Variants in PCDHA2 observed in about 807,000 individuals in gnomAD.
PCDHA2 encodes the protein protocadherin alpha-2.
A neutral mutation model predicts 66.0 loss-of-function variants in PCDHA2; 58 were observed. The observed-to-expected ratio is 0.88, with a 90% CI of 0.71 to 1.09. PCDHA2 has a LOEUF of 1.09. Ranked by LOEUF, PCDHA2 falls within the 50% of genes least tolerant of loss-of-function variation. The pLI is 0.00. For synonymous variants in PCDHA2, 634 were observed against 554.0 expected, an observed-to-expected ratio of 1.14 and a Z score of -2.03; for missense variants, 1,267 against 1,242.3, an observed-to-expected ratio of 1.02 and a Z score of -0.30.
At chr5:140,931,460 G>GA (rs3836748) in intron 1 of PCDHA2, among the ~76,000 whole-genome samples, 48,962 of 151,596 alleles carry the variant, frequency 0.32, 8,170 homozygotes, top group East Asian at 0.53. Flanking sequence ...AAAAATATAG[G>GA]AATGACAGAG....
At chr5:140,947,451 A>G (rs2094135983) in intron 1 of PCDHA2, among the ~76,000 whole-genome samples, 1 of 151,658 alleles carries the variant, frequency 6.6e-6, no homozygotes, top group Non-Finnish European at 1.5e-5. Context: ...GAAATCCTCC[A>G]ACCTTGTTCT....
chr5:140,850,744 A>G (rs2150496809), intron 1 of PCDHA2: 2 of 1,597,586 alleles, frequency 1.3e-6, no homozygotes, highest in Non-Finnish European at 1.7e-6. Context: ...AGTTGGTCGT[A>G]CTCGCAGCAG....
chr5:140,869,945 T>C lies in PCDHA2; in HGVS notation c.2388+72593T>C, dbSNP rs528075021. On this transcript the variant is annotated intron_variant, in intron 1 of 3. Transcript: ENST00000526136. ...GTCAATGGAGAGGTAACATACTCCTTAATGTCAATTAAGCCCAATGGAAGA... is the reference window on the plus strand; with the variant it reads ...GTCAATGGAGAGGTAACATACTCCTCAATGTCAATTAAGCCCAATGGAAGA... 8 of 1,612,376 alleles carry C rather than the reference T, an allele frequency of 5.0e-6. No individual in the cohort carries two copies. The African/African-American group carries it at 8.0e-5, about 16-fold the overall frequency.
intron 1 of PCDHA2, among the ~76,000 whole-genome samples, chr5:140,872,762 G>A (rs545441914): frequency 6.6e-6 from 1 of 152,066 alleles, no homozygotes; most frequent in African/African-American, 2.4e-5. Flanking sequence ...ATGCATATAG[G>A]GCTATATTAT....
At chr5:140,838,079 T>TATA (rs1775498021) in intron 1 of PCDHA2, among the ~76,000 whole-genome samples, 4 of 6,872 alleles carry the variant, frequency 5.8e-4, no homozygotes, top group African/African-American at 2.3e-3. Context: ...ATATATATAG[T>TATA]GTGTGTGTGT....
At chr5:140,947,969 C>T (rs1159851699) in intron 1 of PCDHA2, among the ~76,000 whole-genome samples, 1 of 151,182 alleles carries the variant, frequency 6.6e-6, no homozygotes, top group African/African-American at 2.4e-5. Context: ...TAAGTATGTG[C>T]TACTCATAGG....
intron 1 of PCDHA2, chr5:140,856,165 A>T: frequency 6.3e-7 from 1 of 1,598,366 alleles, no homozygotes; most frequent in South Asian, 1.1e-5. Flanking sequence ...AGGAGGCCAG[A>T]CACGGCACCT....
At chr5:140,876,838 G>C in intron 1 of PCDHA2, 1 of 1,614,140 alleles carries the variant, frequency 6.2e-7, no homozygotes, top group Non-Finnish European at 8.5e-7. Flanking sequence ...GCCTGCGTTC[G>C]CGCAGCCCGA....
intron 1 of PCDHA2, among the ~76,000 whole-genome samples, chr5:140,888,190 A>G (rs2153423083): frequency 6.6e-6 from 1 of 152,280 alleles, no homozygotes; most frequent in East Asian, 1.9e-4. Flanking sequence ...TGTGAATTTT[A>G]CATTGTCGGA....
intron 1 of PCDHA2, chr5:140,966,850 C>A: frequency 6.4e-7 from 1 of 1,572,900 alleles, no homozygotes; most frequent in Non-Finnish European, 8.6e-7. Flanking sequence ...TACTGCCTCT[C>A]CTGCTGCTGT....
intron 1 of PCDHA2, chr5:140,830,332 C>T (rs1483373702): frequency 6.2e-7 from 1 of 1,614,016 alleles, no homozygotes; most frequent in Non-Finnish European, 8.5e-7. Context: ...CAGTGGGGAG[C>T]TGGTCGTACT....
chr5:140,978,057 T>C (rs527562348), intron 1 of PCDHA2, among the ~76,000 whole-genome samples: 1 of 152,304 alleles, frequency 6.6e-6, no homozygotes, highest in South Asian at 2.1e-4. Context: ...ACTGATGATG[T>C]CCCAGTGATT....
intron 1 of PCDHA2, among the ~76,000 whole-genome samples, chr5:140,903,228 C>T (rs1417505177): frequency 1.3e-5 from 2 of 152,112 alleles, no homozygotes; most frequent in Non-Finnish European, 2.9e-5. Flanking sequence ...ACATCTATTA[C>T]TTTTTGATTT....
chr5:140,863,121 G>A, intron 1 of PCDHA2: 2 of 592,122 alleles, frequency 3.4e-6, no homozygotes, highest in South Asian at 2.7e-5. Context: ...CGAAAGCTAC[G>A]CGCCACCGCC....
Position 141,010,353 on chromosome 5 carries a change from G to A in PCDHA2, c.*416G>A. On this transcript the variant is annotated 3_prime_UTR_variant, in exon 4 of 4. Transcript: ENST00000526136. ...AGTTTGTGGCCACTGGGTATGTGTG[G>A]CTACCGCGGGTATGCGAGTGCCAGA... is the stretch of plus-strand genomic sequence containing the variant. 1.3e-6 allele frequency: 2 copies of A among 1,507,486 alleles called. No individual in the cohort carries two copies. Among genetic ancestry groups the A allele is most frequent in the Non-Finnish European group, 1.8e-6 (2 of 1,128,244 alleles). The allele number at this position is 1,507,486 out of a possible 1,614,324, so 93.4% of individuals were successfully genotyped here. A position where few individuals can be genotyped will look rare whatever the true frequency, so the allele number is the denominator to read the frequency against.
At position 140,823,162 on chromosome 5, in the gene PCDHA2, G is replaced by C. The variant is rs2150122942; in HGVS notation, c.2388+25810G>C. 16 of 1,613,820 alleles carry C rather than the reference G, an allele frequency of 9.9e-6. 1 individual carries two copies. Among genetic ancestry groups the C allele is most frequent in the South Asian group, 2.2e-5 (2 of 91,082 alleles). ...CGCGCAGCCCCAGTATACCGTGTTCGTGAAGGAGAACAACCCGCCAGGCTG... is the reference window on the plus strand; with the variant it reads ...CGCGCAGCCCCAGTATACCGTGTTCCTGAAGGAGAACAACCCGCCAGGCTG... On this transcript the variant is annotated intron_variant, in intron 1 of 3. Transcript: ENST00000526136.
At position 140,856,108 on chromosome 5, in the gene PCDHA2, C is replaced by T. The variant is rs782347472; in HGVS notation, c.2388+58756C>T. 109 of 1,597,910 alleles carry T rather than the reference C, an allele frequency of 6.8e-5. 10 individuals are homozygous for T. The highest frequency in any genetic ancestry group is 9.3e-5 in the Non-Finnish European group (109 of 1,167,634). ...GTCTGCTGCTCTCGCTTCTTCTCCT[C>T]GCAGCCTGGGAGGTGGGGAGCGGCC... On this transcript the variant is annotated intron_variant, in intron 1 of 3. Transcript: ENST00000526136.
At chr5:140,818,856 A>G (rs1442821661) in intron 1 of PCDHA2, among the ~76,000 whole-genome samples, 3 of 152,238 alleles carry the variant, frequency 2.0e-5, no homozygotes, top group African/African-American at 7.2e-5. Flanking sequence ...AACTATAGGT[A>G]GAGGCATAAA....
intron 1 of PCDHA2, chr5:140,927,790 G>C: frequency 6.2e-7 from 1 of 1,614,218 alleles, no homozygotes; most frequent in Non-Finnish European, 8.5e-7. Flanking sequence ...TGCTTCACTA[G>C]GTCCGCCTGA....
Sources: gnomAD v4.1 joint callset for allele counts (sites outside exome capture counted in the v4.1 genomes callset) on GRCh38, gnomAD v4.1.1 for gene constraint, MANE v1.5 for transcripts, NCBI Gene and HGNC (gene_info 2026-07-23, HGNC 2026-07-21) for gene names.